Variants in KANK4 observed in about 807,000 individuals in gnomAD.
The protein encoded by KANK4 is KN motif and ankyrin repeat domain-containing protein 4.
KANK4 carries 50 observed loss-of-function variants against 80.8 expected under a neutral mutation model. The ratio of observed to expected loss-of-function variants is 0.62; its 90% confidence interval spans 0.49 to 0.78. The LOEUF is 0.78. Among genes scored for constraint, KANK4 ranks in the 30% least tolerant of loss-of-function variants. The probability of loss-of-function intolerance (pLI) is 0.00; values close to 1 mark genes in which losing one functional copy is unlikely to be tolerated. For missense variants in KANK4, 1,196 were observed against 1,240.1 expected, an observed-to-expected ratio of 0.96 and a Z score of 0.53; for synonymous variants, 465 against 506.9, an observed-to-expected ratio of 0.92 and a Z score of 1.11.
chr1:62,316,115 T>C (rs772506618), intron 1 of KANK4, among the ~76,000 whole-genome samples: 45 of 152,230 alleles, frequency 3.0e-4, no homozygotes, highest in East Asian at 1.9e-4. Flanking sequence ...ACAAGGTCAA[T>C]AGCTGGGCCT....
intron 1 of KANK4, among the ~76,000 whole-genome samples, chr1:62,305,729 A>T (rs995555678): frequency 1.3e-5 from 2 of 152,154 alleles, no homozygotes; most frequent in Admixed American, 6.5e-5. Context: ...CGGTGAAGGA[A>T]GAAAAATCGG....
At chr1:62,279,383 C>A (rs1278776183) in intron 2 of KANK4, among the ~76,000 whole-genome samples, 1 of 152,202 alleles carries the variant, frequency 6.6e-6, no homozygotes, top group Non-Finnish European at 1.5e-5. Flanking sequence ...CGGCTCTGCT[C>A]CTATTCATTC....
At chr1:62,314,395 C>T (rs946948595) in intron 1 of KANK4, among the ~76,000 whole-genome samples, 3 of 152,072 alleles carry the variant, frequency 2.0e-5, no homozygotes, top group South Asian at 2.1e-4. Flanking sequence ...TGGGAAACAC[C>T]GATGAACTGA....
intron 1 of KANK4, among the ~76,000 whole-genome samples, chr1:62,317,516 C>G (rs1297820807): frequency 6.6e-6 from 1 of 152,208 alleles, no homozygotes. Flanking sequence ...ACTGACTGGA[C>G]CAGTCAATGG....
At chr1:62,313,467 T>C (rs1348805933) in intron 1 of KANK4, among the ~76,000 whole-genome samples, 1 of 152,220 alleles carries the variant, frequency 6.6e-6, no homozygotes, top group African/African-American at 2.4e-5. Context: ...GGATAATAAA[T>C]GGTGAAGCCA....
intron 1 of KANK4, among the ~76,000 whole-genome samples, chr1:62,298,608 C>G (rs1320640216): frequency 6.6e-6 from 1 of 152,166 alleles, no homozygotes; most frequent in African/African-American, 2.4e-5. Context: ...CACTTGAAAC[C>G]GTGTGACCTT....
chr1:62,309,397 G>T (rs1644480074), intron 1 of KANK4, among the ~76,000 whole-genome samples: 1 of 152,170 alleles, frequency 6.6e-6, no homozygotes, highest in Non-Finnish European at 1.5e-5. Context: ...CTCTCATTGA[G>T]AATCCCAGGC....
At chr1:62,279,708 A>G (rs1672411406) in intron 2 of KANK4, among the ~76,000 whole-genome samples, 1 of 152,226 alleles carries the variant, frequency 6.6e-6, no homozygotes, top group Non-Finnish European at 1.5e-5. Flanking sequence ...GAAGGACCCT[A>G]ACAGCAAGGA....
At chr1:62,299,307 G>T (rs1374539248) in intron 1 of KANK4, among the ~76,000 whole-genome samples, 1 of 151,972 alleles carries the variant, frequency 6.6e-6, no homozygotes, top group African/African-American at 2.4e-5. Flanking sequence ...TGATTCTCCC[G>T]CCACAGCCTC....
chr1:62,239,374 T>G (rs1320927241), intron 9 of KANK4, among the ~76,000 whole-genome samples: 1 of 152,184 alleles, frequency 6.6e-6, no homozygotes, highest in Non-Finnish European at 1.5e-5. Context: ...ATTCCATAAT[T>G]TACTAATTTT....
intron 8 of KANK4, among the ~76,000 whole-genome samples, chr1:62,251,314 G>T (rs867216430): frequency 1.3e-5 from 2 of 152,144 alleles, no homozygotes; most frequent in Admixed American, 6.6e-5. Flanking sequence ...GGGCACAGAA[G>T]TCTCATGTCT....
chr1:62,260,464 T>G (rs1671858937), intron 7 of KANK4, among the ~76,000 whole-genome samples: 2 of 152,242 alleles, frequency 1.3e-5, no homozygotes, highest in African/African-American at 4.8e-5. Flanking sequence ...TCTTGGATTC[T>G]TCTTCTCAGT....
At chr1:62,269,771 A>C (rs147140425) in intron 4 of KANK4, among the ~76,000 whole-genome samples, 178 of 152,336 alleles carry the variant, frequency 1.2e-3, no homozygotes, top group Middle Eastern at 6.8e-3. Context: ...GTAGTGATAA[A>C]AACAATGAAT....
chr1:62,273,649 C>A lies in KANK4; in HGVS notation c.1455G>T (p.Gln485His), dbSNP rs757954945. The A allele has an allele frequency of 6.2e-7, 1 of 1,614,166 alleles. No individual in the cohort carries two copies. The highest frequency in any genetic ancestry group is 1.1e-5 in the South Asian group (1 of 91,072). ...AGCTATGTACAGAGGAGGTAAGGAC[C>A]TGCTCGGGTCCCTGTGGCAGTGACA... Reference protein sequence around the residue: ...PQLSLPQGPEQVLTSSVHSFL... With the variant: ...PQLSLPQGPEHVLTSSVHSFL... The change falls in exon 3 of 10, where the codon CAG becomes CAT. Residue 485 changes from glutamine to histidine, a missense_variant. Gln to His is a conservative substitution (Grantham distance 24, BLOSUM62 0). Around this residue, in one of 3 missense-constraint regions of KANK4, gnomAD observed 1,154 missense variants for 1,179.6 expected, o/e 0.98. Coordinates refer to ENST00000371153, the MANE Select transcript of KANK4 (RefSeq NM_181712.5).
intron 6 of KANK4, among the ~76,000 whole-genome samples, chr1:62,265,867 G>T (rs1217291154): frequency 6.6e-6 from 1 of 152,172 alleles, no homozygotes. Flanking sequence ...TTGACCCAGA[G>T]GTACACTTCA....
rs916181211 is a variant in KANK4 at position 62,303,959 on chromosome 1, C to T, written c.-71+15147G>A. Among the ~76,000 whole-genome samples the T allele has an allele frequency of 7.2e-5, 11 of 151,962 alleles. 1 individual carries two copies. The highest frequency in any genetic ancestry group is 2.0e-4 in the Admixed American group (3 of 15,264). On this transcript the variant is annotated intron_variant, in intron 1 of 9. Transcript: ENST00000371153. Reference sequence around the variant, plus strand: ...TGCAATCTCAGCTCACTGGAACTTCCGTCTCCCAGGTTCAAGCGATTCTCC... The same window carrying T: ...TGCAATCTCAGCTCACTGGAACTTCTGTCTCCCAGGTTCAAGCGATTCTCC...
At position 62,274,325 on chromosome 1, in the gene KANK4, A is replaced by G. The variant is rs1672251046; in HGVS notation, c.779T>C (p.Val260Ala). ...GTGTTCATCTTCCTTGTCCTCTAGAACTACAAGCACATTCTGGAATGAGAA... is the reference window on the plus strand; with the variant it reads ...GTGTTCATCTTCCTTGTCCTCTAGAGCTACAAGCACATTCTGGAATGAGAA... ...PPFSFQNVLV[V>A]LEDKEDEHNA... is the part of the protein sequence containing the mutation. The change falls in exon 3 of 10, where the codon GTT becomes GCT. Residue 260 changes from valine to alanine, a missense_variant. Coordinates refer to ENST00000371153, the MANE Select transcript of KANK4 (RefSeq NM_181712.5). The G allele has an allele frequency of 1.2e-6, 2 of 1,614,160 alleles. No homozygotes were observed. Among genetic ancestry groups the G allele is most frequent in the Admixed American group, 3.3e-5 (2 of 60,020 alleles).
chr1:62,273,619 G>A lies in KANK4; in HGVS notation c.1485C>T (p.Leu495=), dbSNP rs1672222836. ...QVLTSSVHSF[L]STELRIEEAG... ...CTTCTTCAATCCTGAGTTCAGTGGA[G>A]AGGAAGCTATGTACAGAGGAGGTAA... Residue 495 remains leucine (L), a synonymous_variant, in exon 3 of 10, where the codon CTC becomes CTT. Coordinates refer to ENST00000371153, the MANE Select transcript of KANK4 (RefSeq NM_181712.5). 6.2e-7 allele frequency: 1 copy of A among 1,614,190 alleles called. No individual in the cohort carries two copies. Among genetic ancestry groups the A allele is most frequent in the Non-Finnish European group, 8.5e-7 (1 of 1,180,028 alleles).
In KANK4 at chr1:62,276,612, C is replaced by T. The variant is rs570994021; in HGVS notation, c.17-1525G>A. Reference sequence around the variant, plus strand: ...CCAACACGGTGAAACCCCATCTCTACTAAAAATACAAAAAGTTAGCCGGGC... The same window carrying T: ...CCAACACGGTGAAACCCCATCTCTATTAAAAATACAAAAAGTTAGCCGGGC... On this transcript the variant is annotated intron_variant, in intron 2 of 9. Transcript: ENST00000371153. Among the ~76,000 whole-genome samples the T allele has an allele frequency of 1.8e-4, 28 of 152,148 alleles. 1 individual carries two copies. Among genetic ancestry groups the T allele is most frequent in the Middle Eastern group, 6.8e-3 (2 of 294 alleles).
Sources: allele counts gnomAD v4.1 joint callset (sites outside exome capture counted in the v4.1 genomes callset), GRCh38; gene constraint gnomAD v4.1.1; regional missense constraint gnomAD v4.1.1; transcripts MANE v1.5; gene names NCBI Gene and HGNC (gene_info 2026-07-23, HGNC 2026-07-21).